JDP2: variants seen among roughly 807,000 people sequenced by gnomAD.
JDP2 encodes progesterone receptor co-activator.
JDP2 carries 9 observed loss-of-function variants against 17.1 expected under a neutral mutation model. That is an observed-to-expected ratio of 0.53 (90% CI 0.32 to 0.92). The LOEUF (loss-of-function observed/expected upper bound fraction) is 0.92, where lower values mean the gene tolerates loss of function less well. Ranked by LOEUF, JDP2 falls within the 40% of genes least tolerant of loss-of-function variation. The probability of loss-of-function intolerance (pLI) is 0.04; values close to 1 mark genes in which losing one functional copy is unlikely to be tolerated. For missense variants in JDP2, 179 were observed against 220.0 expected (o/e 0.81, Z 1.18); for synonymous variants, 107 against 95.6 (o/e 1.12, Z -0.69).
chr14:75,427,367 TGGC>T (rs1566730737), upstream of JDP2: 2 of 152,238 alleles, frequency 1.3e-5, no homozygotes, highest in African/African-American at 4.8e-5. This position sits in a 1 kb window ranked among gnomAD's most constrained non-coding sequence, Gnocchi z 4.4. Flanking sequence ...CTAAGGGCGC[TGGC>T]GGGGGCCGGT....
chr14:75,469,361 G>T lies in JDP2; in HGVS notation c.378G>T (p.Gln126His), dbSNP rs755953147. 22 of 1,614,154 alleles carry T rather than the reference G, an allele frequency of 1.4e-5. No homozygotes were observed. The highest frequency in any genetic ancestry group is 1.6e-5 in the Non-Finnish European group (19 of 1,179,984). ...TTGAGGAGCTGAAGCAGGAGCGGCA[G>T]CAGCTCATCCTGATGCTGAACCGAC... ...TQIEELKQERQQLILMLNRHR... is the reference protein window; with the variant it reads ...TQIEELKQERHQLILMLNRHR... Residue 126 changes from glutamine (Q) to histidine (H), a missense_variant, in exon 4 of 4, where the codon CAG becomes CAT. Gln to His is a conservative substitution (Grantham distance 24). Transcript: ENST00000651602.
rs1034431872 is a variant in JDP2, at chr14:75,473,037, C to T, written c.*3562C>T. On this transcript the variant is annotated 3_prime_UTR_variant, in exon 4 of 4. Transcript: ENST00000651602. ...CAACCATGGCCTGAGAAAGACAAGA[C>T]GCTTTAGCTATCAGATGGGCAGAAA... is the stretch of plus-strand genomic sequence containing the variant. The T allele has an allele frequency of 6.6e-6, 1 of 152,178 alleles. No homozygotes were observed. Among genetic ancestry groups the T allele is most frequent in the Non-Finnish European group, 1.5e-5 (1 of 68,046 alleles). 9.4% of individuals were successfully genotyped at this position (152,178 alleles called of 1,614,324 possible). A position where few individuals can be genotyped will look rare whatever the true frequency, so the allele number is the denominator to read the frequency against.
At chr14:75,465,824 A>T (rs1282939707) in intron 3 of JDP2, among the ~76,000 whole-genome samples, 3 of 152,180 alleles carry the variant, frequency 2.0e-5, no homozygotes, top group Admixed American at 2.0e-4. Flanking sequence ...GAACCTTAAT[A>T]TGCACTAATT....
chr14:75,469,573 A>G lies in JDP2; in HGVS notation c.*98A>G, dbSNP rs1426150981. The G allele has an allele frequency of 1.9e-6, 2 of 1,051,714 alleles. No individual in the cohort carries two copies. Among genetic ancestry groups the G allele is most frequent in the Non-Finnish European group, 2.8e-6 (2 of 726,572 alleles). The allele number at this position is 1,051,714 out of a possible 1,614,324, so 65.1% of individuals were successfully genotyped here. On this transcript the variant is annotated 3_prime_UTR_variant, in exon 4 of 4. Coordinates refer to ENST00000651602, the MANE Select transcript of JDP2 (RefSeq NM_001135048.2). ...CCCCAGATGGCCCTTCCTTTGGTGC[A>G]TGAAAAACTGTACAATGAGGTTCAG... is the stretch of plus-strand genomic sequence containing the variant.
chr14:75,462,278 G>A (rs1886376456), intron 3 of JDP2, among the ~76,000 whole-genome samples: 1 of 152,198 alleles, frequency 6.6e-6, no homozygotes, highest in Non-Finnish European at 1.5e-5. Flanking sequence ...GTGCAGGCCA[G>A]GAGTCTCTGG....
intron 2 of JDP2, among the ~76,000 whole-genome samples, chr14:75,440,235 A>G (rs1110985): frequency 0.077 from 11,779 of 152,200 alleles, 1,559 homozygotes; most frequent in African/African-American, 0.27. Flanking sequence ...GTCAGACTGC[A>G]GTGTTGTGGG....
intron 2 of JDP2, among the ~76,000 whole-genome samples, chr14:75,455,281 C>T (rs747014130): frequency 2.0e-5 from 3 of 152,154 alleles, no homozygotes; most frequent in African/African-American, 4.8e-5. Flanking sequence ...TCCTGGCAAA[C>T]GTCCAGGAAG....
Position 75,469,275 on chromosome 14 carries a change from T to G in JDP2, c.307-15T>G. 6.2e-7 allele frequency: 1 copy of G among 1,609,444 alleles called. No homozygotes were observed. The highest frequency in any genetic ancestry group is 8.5e-7 in the Non-Finnish European group (1 of 1,176,716). On this transcript the variant is annotated splice_polypyrimidine_tract_variant and intron_variant, in intron 3 of 3. Transcript: ENST00000651602. The stretch of plus-strand genomic sequence containing the variant: ...CCCCGTGAAACTCACAGCGTGCTTC[T>G]GTGTTGGTATACAGGAATCCGAGCG...
intron 2 of JDP2, among the ~76,000 whole-genome samples, chr14:75,447,525 C>T (rs141086140): frequency 5.9e-5 from 9 of 152,284 alleles, no homozygotes; most frequent in Non-Finnish European, 1.3e-4. Context: ...AGAGCACTGC[C>T]AAGGTGACAG....
intron 2 of JDP2, among the ~76,000 whole-genome samples, chr14:75,441,562 A>G (rs2140054037): frequency 6.6e-6 from 1 of 152,284 alleles, no homozygotes; most frequent in Admixed American, 6.5e-5. Context: ...TTAATACACG[A>G]TATATAAGGT....
chr14:75,449,061 C>G (rs73301641), intron 2 of JDP2, among the ~76,000 whole-genome samples: 5,698 of 152,238 alleles, frequency 0.037, 229 homozygotes, highest in African/African-American at 0.1. Context: ...AGCTGGTGTT[C>G]AGTATTCTTG....
intron 2 of JDP2, among the ~76,000 whole-genome samples, chr14:75,457,089 T>A (rs1886147666): frequency 6.6e-6 from 1 of 152,188 alleles, no homozygotes; most frequent in South Asian, 2.1e-4. Context: ...TCAGCCCGCA[T>A]CTCATGGTTC....
intron 2 of JDP2, among the ~76,000 whole-genome samples, chr14:75,439,906 G>T (rs867319265): frequency 6.6e-6 from 1 of 152,204 alleles, no homozygotes; most frequent in African/African-American, 2.4e-5. Flanking sequence ...CTAAGGCTGC[G>T]CATGGGGTTG....
At chr14:75,447,228 C>T (rs1885642865) in intron 2 of JDP2, among the ~76,000 whole-genome samples, 1 of 152,210 alleles carries the variant, frequency 6.6e-6, no homozygotes, top group Non-Finnish European at 1.5e-5. Flanking sequence ...GTTAAGAAAC[C>T]AGCCCAGTTC....
At chr14:75,463,821 C>T (rs1291507368) in intron 3 of JDP2, among the ~76,000 whole-genome samples, 3 of 152,160 alleles carry the variant, frequency 2.0e-5, no homozygotes. Context: ...CATGCCCATT[C>T]TGTGCCTGTT....
At chr14:75,464,367 G>T (rs3784013) in intron 3 of JDP2, among the ~76,000 whole-genome samples, 138,178 of 152,258 alleles carry the variant, frequency 0.91, 62,888 homozygotes, top group African/African-American at 0.95. Flanking sequence ...GGGTTCTGCA[G>T]CTGTGATTTG....
intron 1 of JDP2, among the ~76,000 whole-genome samples, chr14:75,434,490 G>A (rs1884971523): frequency 6.6e-6 from 1 of 152,158 alleles, no homozygotes; most frequent in East Asian, 1.9e-4. Context: ...CTTGTCTCCT[G>A]GGTGAGGCTT....
chr14:75,440,613 G>C (rs1475997649), intron 2 of JDP2, among the ~76,000 whole-genome samples: 2 of 152,168 alleles, frequency 1.3e-5, no homozygotes, highest in Non-Finnish European at 1.5e-5. Context: ...TGGAGTCCAG[G>C]TTACCCCCAT....
At chr14:75,453,745 C>G (rs916135301) in intron 2 of JDP2, among the ~76,000 whole-genome samples, 6 of 152,208 alleles carry the variant, frequency 3.9e-5, no homozygotes, top group East Asian at 1.9e-4. Flanking sequence ...AGACCACCCC[C>G]CAACCCCACC....
Sources: allele counts gnomAD v4.1 joint callset (sites outside exome capture counted in the v4.1 genomes callset), GRCh38; gene constraint gnomAD v4.1.1; non-coding constraint Gnocchi (gnomAD v3.1); transcripts MANE v1.5; gene names NCBI Gene and HGNC (gene_info 2026-07-23, HGNC 2026-07-21).